FBXO15: variants seen among roughly 807,000 people sequenced by gnomAD.
The protein encoded by FBXO15 is F-box only protein 15.
In FBXO15, 30 loss-of-function variants were observed where a neutral mutation model predicts 49.5. That is an observed-to-expected ratio of 0.61 (90% CI 0.45 to 0.82). FBXO15 has a LOEUF of 0.82. FBXO15 is among the 40% of genes least tolerant of loss of function. The probability of loss-of-function intolerance (pLI) is 0.00; values close to 1 mark genes in which losing one functional copy is unlikely to be tolerated. For missense variants in FBXO15, 591 were observed against 631.5 expected, an observed-to-expected ratio of 0.94 and a Z score of 0.69; for synonymous variants, 250 against 232.7, an observed-to-expected ratio of 1.07 and a Z score of -0.68.
chr18:74,090,789 T>C (rs1912990434), intron 8 of FBXO15, among the ~76,000 whole-genome samples: 1 of 152,208 alleles, frequency 6.6e-6, no homozygotes, highest in Admixed American at 6.5e-5. Flanking sequence ...TTAGTTTTCT[T>C]TATTTTCATT....
chr18:74,130,770 C>G (rs894878567), intron 3 of FBXO15, 112 bp from the exon 4 acceptor site: 1 of 1,175,920 alleles, frequency 8.5e-7, no homozygotes, highest in Non-Finnish European at 1.2e-6. Context: ...ATGAATAAGC[C>G]AAGCTGAATA....
chr18:74,081,151 T>G (rs1296036140), intron 9 of FBXO15, among the ~76,000 whole-genome samples: 1 of 152,200 alleles, frequency 6.6e-6, no homozygotes, highest in African/African-American at 2.4e-5. Context: ...GGACAGTGCT[T>G]CATGATAACA....
intron 1 of FBXO15, 23 bp downstream of exon 1, chr18:74,147,647 C>CCACCCGCAGGCCCTACAGTCACCTG: frequency 7.2e-7 from 1 of 1,392,972 alleles, no homozygotes; most frequent in Non-Finnish European, 9.3e-7. Flanking sequence ...CCAGGGGACC[C>CCACCCGCAGGCCCTACAGTCACCTG]CACCCGCAGG....
At chr18:74,086,814 G>A (rs1434695537) in intron 8 of FBXO15, among the ~76,000 whole-genome samples, 2 of 152,180 alleles carry the variant, frequency 1.3e-5, no homozygotes, top group African/African-American at 4.8e-5. Flanking sequence ...ATAAGAATTT[G>A]TTCACAAAGG....
chr18:74,135,929 AC>A, intron 2 of FBXO15, 63 bp from the exon 3 acceptor site: 1 of 1,348,880 alleles, frequency 7.4e-7, no homozygotes, highest in Non-Finnish European at 1.0e-6. Flanking sequence ...TCTGCAGATT[AC>A]CCAGAAAACA....
In FBXO15 at chr18:74,147,721, G is replaced by T. The variant is rs759404622; in HGVS notation, c.65C>A (p.Pro22His). The change falls in exon 1 of 10, where the codon CCC becomes CAC. Residue 22 changes from proline (P) to histidine (H), a missense_variant. Transcript: ENST00000419743. ...HWLGLQTLRGPSRGGGAARGR... is the reference protein window; with the variant it reads ...HWLGLQTLRGHSRGGGAARGR... The stretch of plus-strand genomic sequence containing the variant: ...CCGGGCCGCGCCACCGCCCCTGCTG[G>T]GCCCGCGCAGCGTCTGGAGGCCGAG... 4 of 1,533,936 alleles carry T rather than the reference G, an allele frequency of 2.6e-6. No homozygotes were observed. Among genetic ancestry groups the T allele is most frequent in the South Asian group, 2.4e-5 (2 of 83,062 alleles).
intron 8 of FBXO15, among the ~76,000 whole-genome samples, chr18:74,084,347 C>G (rs976248619): frequency 4.6e-5 from 7 of 152,168 alleles, no homozygotes; most frequent in Non-Finnish European, 7.4e-5. Flanking sequence ...CACATGTGTT[C>G]CTGTAAACCT....
At chr18:74,110,664 A>G (rs1913982238) in intron 8 of FBXO15, among the ~76,000 whole-genome samples, 1 of 152,070 alleles carries the variant, frequency 6.6e-6, no homozygotes, top group Non-Finnish European at 1.5e-5. Context: ...TATATTGCCT[A>G]TGAGAAACTC....
At chr18:74,124,421 T>C in intron 7 of FBXO15, 68 bp downstream of exon 7, 4 of 1,261,988 alleles carry the variant, frequency 3.2e-6, no homozygotes, top group Admixed American at 1.8e-5. Flanking sequence ...GATATTAAGA[T>C]GGCATCAACT....
At chr18:74,135,217 C>T (rs1005825884) in intron 3 of FBXO15, among the ~76,000 whole-genome samples, 2 of 152,186 alleles carry the variant, frequency 1.3e-5, no homozygotes, top group African/African-American at 4.8e-5. Flanking sequence ...TCCCTTCATC[C>T]AAGCGTACAA....
chr18:74,079,698 G>C (rs1912406183), intron 9 of FBXO15, among the ~76,000 whole-genome samples: 1 of 152,048 alleles, frequency 6.6e-6, no homozygotes, highest in African/African-American at 2.4e-5. Flanking sequence ...ATGATCTGTT[G>C]AGTTTTTGCT....
intron 9 of FBXO15, among the ~76,000 whole-genome samples, chr18:74,078,230 C>T (rs993619785): frequency 6.6e-6 from 1 of 152,150 alleles, no homozygotes; most frequent in African/African-American, 2.4e-5. Flanking sequence ...CAATTCCCTC[C>T]TAACCTAAAA....
chr18:74,139,250 C>T (rs1418783469), intron 2 of FBXO15, among the ~76,000 whole-genome samples: 4 of 152,170 alleles, frequency 2.6e-5, no homozygotes, highest in Non-Finnish European at 5.9e-5. Context: ...TCTGCCTCCC[C>T]GACTAATCAT....
chr18:74,120,334 T>C (rs1204526613), intron 8 of FBXO15, among the ~76,000 whole-genome samples: 1 of 152,202 alleles, frequency 6.6e-6, no homozygotes, highest in East Asian at 1.9e-4. Flanking sequence ...ACCTAATTAA[T>C]ATTTTCGAAC....
intron 8 of FBXO15, chr18:74,100,055 G>C (rs1913442420): frequency 6.6e-6 from 1 of 152,044 alleles, no homozygotes; most frequent in African/African-American, 2.4e-5. Flanking sequence ...CTATACCCTG[G>C]AACAAATGGA....
At chr18:74,081,871 T>A (rs900089673) in intron 9 of FBXO15, 56 bp downstream of exon 9, 10 of 1,254,504 alleles carry the variant, frequency 8.0e-6, no homozygotes, top group Non-Finnish European at 1.1e-5. Flanking sequence ...ATAAACAGAC[T>A]TTTTATTATA....
Position 74,129,562 on chromosome 18 carries a change from A to G in FBXO15, c.628T>C (p.Tyr210His), listed in dbSNP as rs1821263475. The G allele has an allele frequency of 6.2e-7, 1 of 1,613,140 alleles. No homozygotes were observed. The highest frequency in any genetic ancestry group is 8.5e-7 in the Non-Finnish European group (1 of 1,179,918). The part of the protein sequence containing the change: ...IILKEKGGKE[Y>H]IMEHVDLSIN... ...GAAAGATCAACATGCTCCATGATAT[A>G]TTCTTTTCCACCTTTTTCTTTCAGT... The change falls in exon 5 of 10, where the codon TAT becomes CAT. Residue 210 changes from tyrosine (Y) to histidine (H), a missense_variant. Tyr to His is a moderately conservative substitution (Grantham distance 83). Transcript: ENST00000419743.
chr18:74,115,588 AT>A (rs1914193626), intron 8 of FBXO15, among the ~76,000 whole-genome samples: 1 of 152,204 alleles, frequency 6.6e-6, no homozygotes, highest in African/African-American at 2.4e-5. Context: ...TCCTTTGATT[AT>A]TTGCATTCCC....
At chr18:74,087,154 C>G (rs1229590328) in intron 8 of FBXO15, among the ~76,000 whole-genome samples, 1 of 152,186 alleles carries the variant, frequency 6.6e-6, no homozygotes, top group Non-Finnish European at 1.5e-5. Flanking sequence ...AAAGCATTAT[C>G]TTTTTGCTGG....
Sources: allele counts gnomAD v4.1 joint callset (sites outside exome capture counted in the v4.1 genomes callset), GRCh38; gene constraint gnomAD v4.1.1; transcripts MANE v1.5; gene names NCBI Gene and HGNC (gene_info 2026-07-23, HGNC 2026-07-21).